PINK1: variants seen among roughly 807,000 people sequenced by gnomAD.
The protein encoded by PINK1 is PTEN induced kinase 1.
In PINK1, 58 loss-of-function variants were observed where a neutral mutation model predicts 56.0. That is an observed-to-expected ratio of 1.04 (90% CI 0.84 to 1.29). The LOEUF (loss-of-function observed/expected upper bound fraction) is 1.29, where lower values mean the gene tolerates loss of function less well. Ranked by LOEUF, PINK1 falls within the 50% of genes most tolerant of loss-of-function variation. PINK1 has a pLI of 0.00. For missense variants in PINK1, 745 were observed against 777.9 expected, an observed-to-expected ratio of 0.96 and a Z score of 0.50; for synonymous variants, 354 against 339.3, an observed-to-expected ratio of 1.04 and a Z score of -0.48.
intron 5 of PINK1, among the ~76,000 whole-genome samples, chr1:20,647,126 G>A (rs997167581): frequency 6.3e-5 from 9 of 143,252 alleles, no homozygotes; most frequent in Non-Finnish European, 9.0e-5. Flanking sequence ...GCATGATCTC[G>A]GCTCACTGCA....
Position 20,650,938 on chromosome 1 carries a change from G to A in PINK1, c.*247G>A, listed in dbSNP as rs1379824461. ...AGTAGATGAGGCTGGACTGAGGAGGGGTAGGCCTGCATCCACAGAGAGGAT... is the reference window on the plus strand; with the variant it reads ...AGTAGATGAGGCTGGACTGAGGAGGAGTAGGCCTGCATCCACAGAGAGGAT... On this transcript the variant is annotated 3_prime_UTR_variant, in exon 8 of 8. Transcript: ENST00000321556. 2 of 553,220 alleles carry A rather than the reference G, an allele frequency of 3.6e-6. No homozygotes were observed. Among genetic ancestry groups the A allele is most frequent in the African/African-American group, 1.9e-5 (1 of 52,864 alleles). 34.3% of individuals were successfully genotyped at this position (553,220 alleles called of 1,614,324 possible).
rs987461847 is a variant in PINK1, at chr1:20,650,823, C to T, written c.*132C>T. The T allele has an allele frequency of 1.5e-5, 19 of 1,242,986 alleles. No individual in the cohort carries two copies. Among genetic ancestry groups the T allele is most frequent in the Middle Eastern group, 5.3e-4 (2 of 3,808 alleles). The allele number at this position is 1,242,986 out of a possible 1,614,324, so 77.0% of individuals were successfully genotyped here. A position where few individuals can be genotyped will look rare whatever the true frequency, so the allele number is the denominator to read the frequency against. On this transcript the variant is annotated 3_prime_UTR_variant, in exon 8 of 8. Coordinates refer to ENST00000321556, the MANE Select transcript of PINK1 (RefSeq NM_032409.3). ...AGGGCTGGTTAGCCGGAAAAGGCCTCGGGCTTGGCAAATGGAAGAACTTGA... is the reference window on the plus strand; with the variant it reads ...AGGGCTGGTTAGCCGGAAAAGGCCTTGGGCTTGGCAAATGGAAGAACTTGA...
chr1:20,645,562 A>G lies in PINK1; in HGVS notation c.962A>G (p.Tyr321Cys), dbSNP rs755060576. The change falls in exon 5 of 8, where the codon TAT becomes TGT. Residue 321 changes from tyrosine to cysteine, a missense_variant and splice_region_variant. Transcript: ENST00000321556. ...GRTLFLVMKNYPCTLRQYLCV... is the reference protein window; with the variant it reads ...GRTLFLVMKNCPCTLRQYLCV... ...AGGCCCTCTCCCCTCTCCGCCAGCT[A>G]TCCCTGTACCCTGCGCCAGTACCTT... 59 of 1,612,190 alleles carry G rather than the reference A, an allele frequency of 3.7e-5. No individual in the cohort carries two copies. The highest frequency in any genetic ancestry group is 4.7e-5 in the Non-Finnish European group (56 of 1,179,850).
rs869033002 is a variant in PINK1 at position 20,633,903 on chromosome 1, C to T, written c.355C>T (p.Arg119Trp). ...GLIEEKQAES[R>W]RAVSACQEIQ... ...CATCGAGGAAAAACAGGCGGAGAGCCGGCGGGCGGTCTCGGCCTGTCAGGA... is the reference window on the plus strand; with the variant it reads ...CATCGAGGAAAAACAGGCGGAGAGCTGGCGGGCGGTCTCGGCCTGTCAGGA... The change falls in exon 1 of 8, where the codon CGG (arginine) becomes TGG (tryptophan). Residue 119 changes from arginine to tryptophan, a missense_variant. Coordinates refer to ENST00000321556, the MANE Select transcript of PINK1 (RefSeq NM_032409.3). The T allele has an allele frequency of 2.5e-6, 4 of 1,579,904 alleles. No individual in the cohort carries two copies. The highest frequency in any genetic ancestry group is 3.6e-5 in the Admixed American group (2 of 55,764).
At position 20,650,779 on chromosome 1, in the gene PINK1, GAGACA is replaced by G; in HGVS notation, c.*94_*98del. The G allele has an allele frequency of 3.3e-6, 5 of 1,537,426 alleles. No individual in the cohort carries two copies. The highest frequency in any genetic ancestry group is 4.4e-6 in the Non-Finnish European group (5 of 1,138,706). On this transcript the variant is annotated 3_prime_UTR_variant, in exon 8 of 8. Transcript: ENST00000321556. ...TGTGAATGGTGAGGGTGGGAGTCAG[GAGACA>G]AGACAGCGCAGAGAGGGCTGGTTAG...
chr1:20,650,391 G>C, intron 7 of PINK1, 43 bp from the exon 8 acceptor site: 1 of 1,611,720 alleles, frequency 6.2e-7, no homozygotes, highest in East Asian at 2.2e-5. Context: ...GGTTGAGACT[G>C]TGTTAACAGA....
rs2053250006 is a variant in PINK1, at chr1:20,650,316, A to G, written c.1489-118A>G. 4.5e-6 allele frequency: 6 copies of G among 1,332,702 alleles called. No individual in the cohort carries two copies. The Admixed American group carries it at 1.2e-4, about 26-fold the overall frequency. The allele number at this position is 1,332,702 out of a possible 1,614,324, so 82.6% of individuals were successfully genotyped here. On this transcript the variant is annotated intron_variant, in intron 7 of 7. Coordinates refer to ENST00000321556, the MANE Select transcript of PINK1 (RefSeq NM_032409.3). ...TGAGTGAAGGGCATCAGTAGGAGAT[A>G]GGGTAGAGGAAGAATTGGGTTGGGA...
chr1:20,640,451 A>C (rs1205767746), intron 3 of PINK1, among the ~76,000 whole-genome samples: 2 of 152,130 alleles, frequency 1.3e-5, no homozygotes, highest in Non-Finnish European at 2.9e-5. Flanking sequence ...GGCAGCAGAG[A>C]GCCCAGGGTG....
chr1:20,648,445 G>A (rs2053215020), intron 5 of PINK1, 60 bp from the exon 6 acceptor site: 2 of 1,609,814 alleles, frequency 1.2e-6, no homozygotes, highest in Non-Finnish European at 1.7e-6. Flanking sequence ...AGGGACATAG[G>A]AGGGCCTCTC....
chr1:20,639,813 A>G, intron 2 of PINK1, 79 bp from the exon 3 acceptor site: 2 of 1,298,966 alleles, frequency 1.5e-6, no homozygotes, highest in South Asian at 2.5e-5. Context: ...GCCCTGCTCC[A>G]GGTTACAGGC....
intron 3 of PINK1, among the ~76,000 whole-genome samples, chr1:20,642,451 C>T (rs1262554084): frequency 6.6e-6 from 1 of 152,186 alleles, no homozygotes; most frequent in African/African-American, 2.4e-5. Context: ...CTTGGACATG[C>T]ACAGTTATCT....
chr1:20,638,627 G>T, intron 2 of PINK1: 1 of 204,880 alleles, frequency 4.9e-6, no homozygotes, highest in South Asian at 6.1e-5. Flanking sequence ...GGGTAACAGA[G>T]TAAGACCCTG....
intron 5 of PINK1, among the ~76,000 whole-genome samples, chr1:20,646,552 G>A (rs1257106453): frequency 1.3e-5 from 2 of 152,074 alleles, no homozygotes; most frequent in African/African-American, 4.8e-5. Context: ...GCTGAGGCAG[G>A]AGAATTGCTT....
chr1:20,633,896 G>A lies in PINK1; in HGVS notation c.348G>A (p.Ala116=), dbSNP rs771132373. 11 of 1,584,836 alleles carry A rather than the reference G, an allele frequency of 6.9e-6. No homozygotes were observed. Among genetic ancestry groups the A allele is most frequent in the South Asian group, 3.4e-5 (3 of 87,170 alleles). ...LGLGLIEEKQ[A]ESRRAVSACQ... Reference sequence around the variant, plus strand: ...TGGGCCTCATCGAGGAAAAACAGGCGGAGAGCCGGCGGGCGGTCTCGGCCT... The same window carrying A: ...TGGGCCTCATCGAGGAAAAACAGGCAGAGAGCCGGCGGGCGGTCTCGGCCT... The change falls in exon 1 of 8, where the codon GCG becomes GCA. Residue 116 remains alanine (A), a synonymous_variant. Transcript: ENST00000321556.
intron 1 of PINK1, among the ~76,000 whole-genome samples, chr1:20,634,640 T>A (rs1046520365): frequency 6.6e-6 from 1 of 152,206 alleles, no homozygotes; most frequent in African/African-American, 2.4e-5. Flanking sequence ...CCTGGCTCCC[T>A]ATGGGGATTG....
In PINK1 at chr1:20,650,259, G is replaced by A. The variant is rs1025087886; in HGVS notation, c.1489-175G>A. 7 of 811,406 alleles carry A rather than the reference G, an allele frequency of 8.6e-6. No individual in the cohort carries two copies. In the African/African-American group the frequency reaches 1.2e-4, roughly 14 times the overall value. The allele number at this position is 811,406 out of a possible 1,614,324, so 50.3% of individuals were successfully genotyped here. ...AGGTGTACACATGGAAAAGCTTGGA[G>A]CACGGGCAGGGGACAGGCAGTATTT... On this transcript the variant is annotated intron_variant, in intron 7 of 7. Coordinates refer to ENST00000321556, the MANE Select transcript of PINK1 (RefSeq NM_032409.3).
At chr1:20,646,520 T>G (rs1189538099) in intron 5 of PINK1, among the ~76,000 whole-genome samples, 2 of 152,038 alleles carry the variant, frequency 1.3e-5, no homozygotes, top group African/African-American at 4.8e-5. Flanking sequence ...GGCGGGCGCC[T>G]GTAATCTCAG....
In PINK1 at chr1:20,633,787, G is replaced by A. The variant is rs747865765; in HGVS notation, c.239G>A (p.Arg80Gln). Residue 80 changes from arginine (R) to glutamine (Q), a missense_variant, in exon 1 of 8, where the codon CGG becomes CAG. Physicochemically the swap from Arg to Gln is conservative, Grantham distance 43. Transcript: ENST00000321556. Reference protein sequence around the residue: ...FRQSVAGLAARLQRQFVVRAW... With the variant: ...FRQSVAGLAAQLQRQFVVRAW... ...CAGTCGGTGGCCGGGCTGGCGGCGC[G>A]GTTGCAGCGGCAGTTCGTGGTGCGG... 6.4e-7 allele frequency: 1 copy of A among 1,571,842 alleles called. No individual in the cohort carries two copies. The highest frequency in any genetic ancestry group is 2.3e-5 in the East Asian group (1 of 43,248).
At chr1:20,645,274 A>G (rs1289183229) in intron 4 of PINK1, among the ~76,000 whole-genome samples, 1 of 152,096 alleles carries the variant, frequency 6.6e-6, no homozygotes, top group Admixed American at 6.5e-5. Context: ...AGATCACTTG[A>G]GGTCAGGAGT....
Sources: allele counts gnomAD v4.1 joint callset (sites outside exome capture counted in the v4.1 genomes callset), GRCh38; gene constraint gnomAD v4.1.1; transcripts MANE v1.5; gene names NCBI Gene and HGNC (gene_info 2026-07-23, HGNC 2026-07-21).